The following HUWE1 variants were observed in gnomAD, a reference collection of about 807,000 sequenced individuals.
HUWE1 encodes HECT, UBA and WWE domain containing E3 ubiquitin protein ligase 1.
In HUWE1, 18 loss-of-function variants were observed where a neutral mutation model predicts 299.4. The observed-to-expected ratio is 0.06, with a 90% CI of 0.04 to 0.09. HUWE1 has a LOEUF of 0.09. Ranked by LOEUF, HUWE1 falls within the 10% of genes least tolerant of loss-of-function variation. The probability of loss-of-function intolerance (pLI) is 1.00; values close to 1 mark genes in which losing one functional copy is unlikely to be tolerated. For synonymous variants in HUWE1, 1,317 were observed against 1,286.1 expected (o/e 1.02, Z -0.51); for missense variants, 1,832 against 3,462.3 (o/e 0.53, Z 11.82).
chrX:53,628,369 C>T (rs2066658724), intron 15 of HUWE1, 124 bp downstream of exon 15: 1 of 773,763 alleles, frequency 1.3e-6, no homozygotes, highest in Admixed American at 3.9e-5. Flanking sequence ...TTAAGTATAA[C>T]TTTTTCTGGA....
At position 53,586,889 on chromosome X, in the gene HUWE1, A is replaced by G. The variant is rs1556973820; in HGVS notation, c.4635T>C (p.Ala1545=). The G allele has an allele frequency of 2.5e-6, 3 of 1,211,391 alleles. No homozygotes were observed. The highest frequency in any genetic ancestry group is 4.6e-4 in the Middle Eastern group (2 of 4,351). ...LLFEELKLPC[A]WVVESSGILN... ...GGATGCCACTTGATTCAACCACCCAAGCACAAGGTAGCTTCAACTCCTGAT... is the reference window on the plus strand; with the variant it reads ...GGATGCCACTTGATTCAACCACCCAGGCACAAGGTAGCTTCAACTCCTGAT... The change falls in exon 38 of 84, where the codon GCT becomes GCC. Residue 1545 remains alanine (A), a synonymous_variant. Coordinates refer to ENST00000262854, the MANE Select transcript of HUWE1 (RefSeq NM_031407.7).
chrX:53,575,572 C>A (rs1456279449), intron 45 of HUWE1, 71 bp downstream of exon 45: 1 of 1,028,726 alleles, frequency 9.7e-7, no homozygotes, highest in African/African-American at 1.9e-5. Flanking sequence ...CCGGGGATAG[C>A]CCTAAATACT....
chrX:53,628,981 A>C, intron 13 of HUWE1, 79 bp from the exon 14 acceptor site: 1 of 861,229 alleles, frequency 1.2e-6, no homozygotes, highest in Non-Finnish European at 1.7e-6. Context: ...CTAATATCCA[A>C]ACTTTAAAAT....
intron 55 of HUWE1, among the ~76,000 whole-genome samples, chrX:53,560,704 T>C (rs1556940217): frequency 8.9e-6 from 1 of 111,803 alleles, no homozygotes; most frequent in African/African-American, 3.2e-5. Flanking sequence ...TGCTGCTCCC[T>C]TCACCTTGAA....
Position 53,603,433 on chromosome X carries a change from C to G in HUWE1, c.2811G>C (p.Leu937=). The G allele has an allele frequency of 8.3e-7, 1 of 1,208,094 alleles. No individual in the cohort carries two copies. The highest frequency in any genetic ancestry group is 1.1e-6 in the Non-Finnish European group (1 of 892,322). ...ACACCAGGGAACAGTATAACTGGCT[C>G]AGCTTGCTCAAAACACTCAGACCCA... ...SQLGLSVLSK[L]SQLYCSLVWE... The change falls in exon 27 of 84, where the codon CTG becomes CTC. Residue 937 remains leucine (L), a synonymous_variant. Coordinates refer to ENST00000262854, the MANE Select transcript of HUWE1 (RefSeq NM_031407.7).
intron 29 of HUWE1, among the ~76,000 whole-genome samples, chrX:53,595,771 T>TA (rs199695766): frequency 0.011 from 1,205 of 112,055 alleles, 21 homozygotes; most frequent in African/African-American, 0.038. Flanking sequence ...ATTAGCCACT[T>TA]AGATAAGAAA....
Position 53,562,880 on chromosome X carries a change from T to G in HUWE1, c.7155A>C (p.Glu2385Asp). Residue 2385 changes from glutamate (E) to aspartate (D), a missense_variant, in exon 53 of 84, where the codon GAA (glutamate) becomes GAC (aspartate). Coordinates refer to ENST00000262854, the MANE Select transcript of HUWE1 (RefSeq NM_031407.7). ...DESQEDVLMD[E>D]APSNLSQAST... is the part of the protein sequence containing the mutation. ...AAGCTTGGCTGAGGTTGGAAGGAGC[T>G]TCATCCATCAGCACGTCCTCTTGTG... The G allele has an allele frequency of 8.3e-7, 1 of 1,211,277 alleles. No individual in the cohort carries two copies.
intron 49 of HUWE1, among the ~76,000 whole-genome samples, chrX:53,565,893 A>G (rs1367446342): frequency 9.2e-6 from 1 of 108,847 alleles, no homozygotes; most frequent in Non-Finnish European, 1.9e-5. Flanking sequence ...CGCCCGGCTG[A>G]TAACAGTTTG....
At chrX:53,617,657 T>C (rs782266393) in intron 19 of HUWE1, among the ~76,000 whole-genome samples, 38 of 111,870 alleles carry the variant, frequency 3.4e-4, no homozygotes, top group African/African-American at 1.2e-3. Context: ...TTTATGGGCA[T>C]ATTTTTACAT....
At chrX:53,576,115 G>C (rs1394946022) in intron 44 of HUWE1, among the ~76,000 whole-genome samples, 4 of 112,001 alleles carry the variant, frequency 3.6e-5, no homozygotes, top group Non-Finnish European at 5.6e-5. Context: ...GGTGATAAGA[G>C]ATAGGGTAAA....
chrX:53,569,350 T>C (rs782095992), intron 48 of HUWE1, among the ~76,000 whole-genome samples: 3 of 112,670 alleles, frequency 2.7e-5, no homozygotes, highest in African/African-American at 9.7e-5. Context: ...ATTTAAAATA[T>C]AAGATCAAAT....
chrX:53,566,133 G>GTGTATATATATATATATATATA (rs782815282), intron 49 of HUWE1, among the ~76,000 whole-genome samples: 4 of 38,969 alleles, frequency 1.0e-4, no homozygotes, highest in Admixed American at 3.4e-4. Flanking sequence ...GTGTGTGTGT[G>GTGTATATATATATATATATATA]TATATATATA....
intron 47 of HUWE1, among the ~76,000 whole-genome samples, chrX:53,572,092 A>G (rs1399492015): frequency 8.9e-6 from 1 of 112,543 alleles, no homozygotes; most frequent in African/African-American, 3.2e-5. Flanking sequence ...TTGTTTTGGT[A>G]CATGGTACAT....
At chrX:53,559,211 G>A (rs985479860) in intron 57 of HUWE1, 143 bp downstream of exon 57, 17 of 780,575 alleles carry the variant, frequency 2.2e-5, no homozygotes, top group Non-Finnish European at 5.8e-6. Context: ...TAAAGTTTTT[G>A]TTGCCCATGG....
chrX:53,533,694 A>T, intron 83 of HUWE1: 1 of 436,707 alleles, frequency 2.3e-6, no homozygotes, highest in Non-Finnish European at 4.0e-6. Flanking sequence ...TTTCAGAGTC[A>T]CTGGTAATCG....
At chrX:53,681,447 A>C (rs1466896708) in intron 2 of HUWE1, among the ~76,000 whole-genome samples, 1 of 109,960 alleles carries the variant, frequency 9.1e-6, no homozygotes, top group Non-Finnish European at 1.9e-5. Context: ...AAAAAAAAAA[A>C]AGTAAGGAAA....
chrX:53,578,585 G>A (rs2063352499), intron 43 of HUWE1, among the ~76,000 whole-genome samples: 2 of 95,841 alleles, frequency 2.1e-5, no homozygotes, highest in African/African-American at 7.9e-5. Context: ...GGGGAGGGGG[G>A]GTCAGCCCCC....
intron 33 of HUWE1, 146 bp from the exon 34 acceptor site, chrX:53,591,268 T>C (rs1052105657): frequency 5.6e-5 from 35 of 621,735 alleles, no homozygotes; most frequent in Non-Finnish European, 7.6e-5. Context: ...TTAGGTAAAA[T>C]GAACAATCCT....
intron 74 of HUWE1, among the ~76,000 whole-genome samples, chrX:53,542,056 G>A (rs1227951829): frequency 2.7e-5 from 3 of 111,002 alleles, no homozygotes; most frequent in Admixed American, 9.5e-5. Context: ...GGTGGTGGGC[G>A]CCTGTAATCC....
Sources: allele counts gnomAD v4.1 joint callset (sites outside exome capture counted in the v4.1 genomes callset), GRCh38; gene constraint gnomAD v4.1.1; transcripts MANE v1.5; gene names NCBI Gene and HGNC (gene_info 2026-07-23, HGNC 2026-07-21).